SUN1: variants seen among roughly 807,000 people sequenced by gnomAD.
SUN1 encodes the protein Sad1 and UNC84 domain containing 1, also known as SUN domain-containing protein 1.
Under a neutral mutation model 103.2 loss-of-function variants are expected in SUN1, and 61 were observed. The ratio of observed to expected loss-of-function variants is 0.59; its 90% CI spans 0.48 to 0.73. The LOEUF is 0.73. Ranked by LOEUF, SUN1 falls within the 30% of genes least tolerant of loss-of-function variation. The pLI, the probability that SUN1 is intolerant of heterozygous loss-of-function variation, is 0.00. For missense variants in SUN1, 1,052 were observed against 1,034.6 expected, an observed-to-expected ratio of 1.02 and a Z score of -0.23; for synonymous variants, 490 against 425.7, an observed-to-expected ratio of 1.15 and a Z score of -1.86.
At chr7:844,975 A>G (rs1813958567) in intron 5 of SUN1, among the ~76,000 whole-genome samples, 1 of 152,178 alleles carries the variant, frequency 6.6e-6, no homozygotes, top group Non-Finnish European at 1.5e-5. Flanking sequence ...CCGTGTATTC[A>G]GTGTTTATTG....
chr7:826,350 A>G (rs945121932), intron 1 of SUN1, among the ~76,000 whole-genome samples: 1 of 152,104 alleles, frequency 6.6e-6, no homozygotes, highest in Non-Finnish European at 1.5e-5. Context: ...TTGAGCGAGC[A>G]TGTGTGTCTG....
At chr7:818,293 C>T (rs1423551008) in intron 1 of SUN1, among the ~76,000 whole-genome samples, 1 of 152,228 alleles carries the variant, frequency 6.6e-6, no homozygotes. Flanking sequence ...ATACAATATG[C>T]AGCCGCTTGT....
At chr7:858,813 G>T (rs1829855662) in intron 13 of SUN1, among the ~76,000 whole-genome samples, 1 of 152,182 alleles carries the variant, frequency 6.6e-6, no homozygotes, top group African/African-American at 2.4e-5. Context: ...TCTCTGATGT[G>T]CAGAGAGCCC....
At chr7:840,110 C>T (rs750964391) in intron 2 of SUN1, among the ~76,000 whole-genome samples, 1 of 152,180 alleles carries the variant, frequency 6.6e-6, no homozygotes, top group Non-Finnish European at 1.5e-5. Flanking sequence ...AGAAGGAAGA[C>T]GGTGGCTGTT....
chr7:854,457 T>C (rs1353729141), intron 10 of SUN1, among the ~76,000 whole-genome samples: 1 of 152,264 alleles, frequency 6.6e-6, no homozygotes, highest in East Asian at 1.9e-4. Context: ...TATGGTCCCA[T>C]CTCAGGTGCT....
chr7:853,929 C>T (rs1824587081), intron 10 of SUN1, among the ~76,000 whole-genome samples: 1 of 152,102 alleles, frequency 6.6e-6, no homozygotes, highest in Non-Finnish European at 1.5e-5. Context: ...CCAGATTGCC[C>T]TCTTAGTGGC....
At position 854,903 on chromosome 7, in the gene SUN1, T is replaced by C; in HGVS notation, c.1264-17T>C. Reference sequence around the variant, plus strand: ...TTAACTTTCTCCATCATTTGTTCACTCCTTCTCTTTCCTAAGACTGACTTT... The same window carrying C: ...TTAACTTTCTCCATCATTTGTTCACCCCTTCTCTTTCCTAAGACTGACTTT... On this transcript the variant is annotated splice_polypyrimidine_tract_variant and intron_variant, in intron 10 of 18. Transcript: ENST00000401592. 2 of 1,597,062 alleles carry C rather than the reference T, an allele frequency of 1.3e-6. No homozygotes were observed. The highest frequency in any genetic ancestry group is 1.7e-6 in the Non-Finnish European group (2 of 1,167,694).
chr7:824,888 C>T (rs573419806), intron 1 of SUN1, among the ~76,000 whole-genome samples: 3 of 152,244 alleles, frequency 2.0e-5, no homozygotes, highest in Admixed American at 1.3e-4. Context: ...TGGCTGGGTG[C>T]TCCAGGGGTG....
In SUN1 at chr7:874,354, CTATTTAATATT is replaced by C. The variant is rs765601259; in HGVS notation, c.*1026_*1036del. On this transcript the variant is annotated 3_prime_UTR_variant, in exon 19 of 19. Coordinates refer to ENST00000401592, the MANE Select transcript of SUN1 (RefSeq NM_001130965.3). ...GTGAGACTCTTTTTGGTTATAATTA[CTATTTAATATT>C]TAGACTATTTTACTGAGCAGACTTT... is the stretch of plus-strand genomic sequence containing the variant. The C allele has an allele frequency of 3.9e-5, 6 of 152,600 alleles. No homozygotes were observed. Among genetic ancestry groups the C allele is most frequent in the Non-Finnish European group, 8.8e-5 (6 of 68,044 alleles). The allele number at this position is 152,600 out of a possible 1,614,324, so 9.5% of individuals were successfully genotyped here. A position where few individuals can be genotyped will look rare whatever the true frequency, so the allele number is the denominator to read the frequency against.
intron 12 of SUN1, 135 bp downstream of exon 12, chr7:856,536 C>T: frequency 1.1e-6 from 1 of 908,674 alleles, no homozygotes; most frequent in Non-Finnish European, 1.8e-6. Flanking sequence ...GAGGTTCGTG[C>T]CGACAGACAC....
upstream of SUN1, chr7:832,157 T>A: frequency 1.1e-6 from 1 of 905,540 alleles, no homozygotes; most frequent in Non-Finnish European, 1.4e-6. Flanking sequence ...CGAGAACATT[T>A]TGACACAGTG....
chr7:840,448 G>T (rs1234392168), intron 2 of SUN1, among the ~76,000 whole-genome samples: 2 of 152,168 alleles, frequency 1.3e-5, no homozygotes, highest in African/African-American at 2.4e-5. Flanking sequence ...TGTGGCCGTC[G>T]TCCTCCCTCT....
Position 873,325 on chromosome 7 carries a change from C to G in SUN1, c.2352C>G (p.Val784=), listed in dbSNP as rs1367988467. 1.4e-5 allele frequency: 23 copies of G among 1,613,112 alleles called. No individual in the cohort carries two copies. The Admixed American group carries it at 3.7e-4, about 26-fold the overall frequency. Residue 784 remains valine, a synonymous_variant, in exon 19 of 19, where the codon GTC becomes GTG. Transcript: ENST00000401592. The stretch of plus-strand genomic sequence containing the variant: ...GGTTCAGAGTTCATGGCGAACCTGT[C>G]AAGTGAAGACACTACTCATTATTTT... ...LYRFRVHGEP[V]K
At chr7:844,967 G>A (rs1386933984) in intron 5 of SUN1, among the ~76,000 whole-genome samples, 3 of 152,306 alleles carry the variant, frequency 2.0e-5, no homozygotes, top group Non-Finnish European at 4.4e-5. Context: ...CAAGGATTCC[G>A]TGTATTCAGT....
chr7:869,155 T>A, intron 16 of SUN1, 194 bp from the exon 17 acceptor site: 7 of 643,396 alleles, frequency 1.1e-5, no homozygotes, highest in Non-Finnish European at 1.3e-5. Context: ...ATACAACATA[T>A]GGGTTGGAGA....
At position 843,190 on chromosome 7, in the gene SUN1, GTGTT is replaced by G. The variant is rs1386111475; in HGVS notation, c.452-14_452-11del. 6 of 1,557,986 alleles carry G rather than the reference GTGTT, an allele frequency of 3.9e-6. No homozygotes were observed. The highest frequency in any genetic ancestry group is 2.3e-5 in the East Asian group (1 of 43,430). On this transcript the variant is annotated splice_polypyrimidine_tract_variant and intron_variant, in intron 3 of 18. Transcript: ENST00000401592. ...CAACAGCAAAAATGTGTGTGTGTGT[GTGTT>G]TTTTTTTTTAGGTCTTGATGATGAT...
intron 14 of SUN1, 92 bp downstream of exon 14, chr7:860,474 GT>G: frequency 6.4e-7 from 1 of 1,550,858 alleles, no homozygotes; most frequent in Non-Finnish European, 8.7e-7. Flanking sequence ...TTGATGTCTT[GT>G]TTTAAGAGTG....
intron 15 of SUN1, among the ~76,000 whole-genome samples, chr7:863,614 C>A (rs1380844494): frequency 2.0e-5 from 3 of 152,208 alleles, no homozygotes; most frequent in African/African-American, 7.2e-5. Context: ...CAGAATCTTT[C>A]TCACCCCAGC....
rs574112475 is a variant in SUN1 at position 820,538 on chromosome 7, C to A, written c.-74+3865C>A. ...TCTGAGAATAAAGATAGTTTGACATCTTCCTTTCCAATTAGTATGCCTCTT... is the reference window on the plus strand; with the variant it reads ...TCTGAGAATAAAGATAGTTTGACATATTCCTTTCCAATTAGTATGCCTCTT... On this transcript the variant is annotated intron_variant, in intron 1 of 17. Coordinates refer to the SUN1 transcript ENST00000389574. 3.3e-5 allele frequency among the ~76,000 whole-genome samples: 5 copies of A among 152,308 alleles called. No homozygotes were observed. The South Asian group carries it at 1.0e-3, about 32-fold the overall frequency.
Sources: gnomAD v4.1 joint callset for allele counts (sites outside exome capture counted in the v4.1 genomes callset) on GRCh38, gnomAD v4.1.1 for gene constraint, MANE v1.5 for transcripts, NCBI Gene and HGNC (gene_info 2026-07-23, HGNC 2026-07-21) for gene names.